TRA2B: variants seen among roughly 807,000 people sequenced by gnomAD.
TRA2B encodes the protein transformer 2 beta homolog, also known as transformer-2 protein homolog beta.
TRA2B carries 14 observed loss-of-function variants against 41.7 expected under a neutral mutation model. That is an observed-to-expected ratio of 0.34 (90% CI 0.22 to 0.53). The LOEUF is 0.53. TRA2B is among the 20% of genes least tolerant of loss of function. The pLI, the probability that TRA2B is intolerant of heterozygous loss-of-function variation, is 0.95. For missense variants in TRA2B, 167 were observed against 396.8 expected, an observed-to-expected ratio of 0.42 and a Z score of 4.92; for synonymous variants, 130 against 128.8, an observed-to-expected ratio of 1.01 and a Z score of -0.06.
intron 1 of TRA2B, chr3:185,927,399 G>A (rs767837403): frequency 5.9e-5 from 9 of 152,086 alleles, no homozygotes; most frequent in African/African-American, 1.5e-4. Flanking sequence ...ACAGAACAGC[G>A]AACTACACAC....
intron 3 of TRA2B, 117 bp downstream of exon 3, chr3:185,925,347 C>T: frequency 1.7e-6 from 2 of 1,211,866 alleles, no homozygotes; most frequent in Non-Finnish European, 2.3e-6. Flanking sequence ...CTAAAAAAGC[C>T]TCTGAAGATT....
chr3:185,937,961 G>C lies in TRA2B; in HGVS notation c.-101C>G, dbSNP rs1047300161. On this transcript the variant is annotated 5_prime_UTR_variant, in exon 1 of 9. Coordinates refer to ENST00000453386, the MANE Select transcript of TRA2B (RefSeq NM_004593.3). ...CCGCCGCAGCCCCGCACGACGCGCC[G>C]GTCGCCCAGCCGCTCAGAGCCGAAA... 1 of 1,456,276 alleles carries C rather than the reference G, an allele frequency of 6.9e-7. No individual in the cohort carries two copies. The highest frequency in any genetic ancestry group is 9.4e-7 in the Non-Finnish European group (1 of 1,058,274). 90.2% of individuals were successfully genotyped at this position (1,456,276 alleles called of 1,614,324 possible).
At chr3:185,936,750 CCTT>C in intron 1 of TRA2B, 1 of 985,190 alleles carries the variant, frequency 1.0e-6, no homozygotes, top group Non-Finnish European at 1.2e-6. Context: ...TTTCTATCAC[CCTT>C]CTAACAGATT....
rs1052456128 is a variant in TRA2B, at chr3:185,917,656, A to T, written c.*59T>A. 6.3e-7 allele frequency: 1 copy of T among 1,593,612 alleles called. No individual in the cohort carries two copies. Among genetic ancestry groups the T allele is most frequent in the African/African-American group, 1.3e-5 (1 of 74,198 alleles). On this transcript the variant is annotated 3_prime_UTR_variant, in exon 9 of 9. Transcript: ENST00000453386. ...CACTTTTTAAACAAGAGACAATAAA[A>T]AATATTGCCCACAAACAATATCCCA...
intron 1 of TRA2B, chr3:185,936,285 T>C (rs1744352203): frequency 1.0e-6 from 1 of 985,330 alleles, no homozygotes; most frequent in African/African-American, 1.7e-5. Context: ...CAACTGCCAA[T>C]GATCAGAAGT....
intron 7 of TRA2B, among the ~76,000 whole-genome samples, chr3:185,918,791 T>G (rs1743603103): frequency 6.6e-6 from 1 of 152,058 alleles, no homozygotes; most frequent in Non-Finnish European, 1.5e-5. Context: ...GGAGGATCAC[T>G]TGAGGCCAGG....
chr3:185,932,561 CAAAG>C (rs1744190310), intron 1 of TRA2B, among the ~76,000 whole-genome samples: 1 of 152,160 alleles, frequency 6.6e-6, no homozygotes, highest in Non-Finnish European at 1.5e-5. Flanking sequence ...CTGGTATTTT[CAAAG>C]AGTTTTGTTG....
intron 3 of TRA2B, chr3:185,924,218 G>A (rs1743851292): frequency 2.8e-6 from 1 of 356,580 alleles, no homozygotes; most frequent in Non-Finnish European, 5.0e-6. Context: ...AGGTAAACAA[G>A]CACTCGTGCT....
At chr3:185,937,691 TCCCTTGCCTG>T in intron 1 of TRA2B, 124 bp downstream of exon 1, 1 of 1,282,628 alleles carries the variant, frequency 7.8e-7, no homozygotes, top group Non-Finnish European at 1.1e-6. Context: ...AAATGCTGTC[TCCCTTGCCTG>T]CCCTCCCGGC....
chr3:185,914,602 CATA>C lies in TRA2B; in HGVS notation c.*3110_*3112del, dbSNP rs920184798. Reference sequence around the variant, plus strand: ...TTTACATTATATATTAAAGATTACACATAATAATCCTTTACACTATATACAATA... The same window carrying C: ...TTTACATTATATATTAAAGATTACACATAATCCTTTACACTATATACAATA... On this transcript the variant is annotated 3_prime_UTR_variant, in exon 9 of 9. Coordinates refer to ENST00000453386, the MANE Select transcript of TRA2B (RefSeq NM_004593.3). Among the ~76,000 whole-genome samples the C allele has an allele frequency of 1.4e-4, 21 of 152,114 alleles. No homozygotes were observed. The highest frequency in any genetic ancestry group is 1.1e-3 in the Admixed American group (17 of 15,278).
rs1243350313 is a variant in TRA2B at position 185,925,677 on chromosome 3, C to G, written c.171-51G>C. 1.9e-6 allele frequency: 3 copies of G among 1,546,796 alleles called. No individual in the cohort carries two copies. The South Asian group carries it at 3.8e-5, about 19-fold the overall frequency. Reference sequence around the variant, plus strand: ...TATGACTGAAAACAAATATTGTCTTCTTTATTACTCTGTTCTAAAGTTAAA... The same window carrying G: ...TATGACTGAAAACAAATATTGTCTTGTTTATTACTCTGTTCTAAAGTTAAA... On this transcript the variant is annotated intron_variant, in intron 2 of 8. Transcript: ENST00000453386.
At chr3:185,935,966 A>T in intron 1 of TRA2B, 13 of 985,436 alleles carry the variant, frequency 1.3e-5, no homozygotes, top group Non-Finnish European at 1.3e-5. Flanking sequence ...CGAAAAACAC[A>T]GTGTACTTTT....
chr3:185,917,751 T>C, intron 8 of TRA2B, 26 bp from the exon 9 acceptor site: 1 of 1,609,970 alleles, frequency 6.2e-7, no homozygotes, highest in East Asian at 2.2e-5. Context: ...TGAACATGCT[T>C]TAATATTAAG....
chr3:185,931,979 G>C, intron 1 of TRA2B: 2 of 634,642 alleles, frequency 3.2e-6, no homozygotes, highest in East Asian at 3.5e-5. Flanking sequence ...AAAGAAACTA[G>C]AATATGCAGC....
intron 1 of TRA2B, among the ~76,000 whole-genome samples, chr3:185,929,944 T>A (rs1331661054): frequency 1.3e-5 from 2 of 152,104 alleles, no homozygotes; most frequent in East Asian, 3.9e-4. Flanking sequence ...ATCAGACCTC[T>A]GATTAAGGCA....
intron 2 of TRA2B, 41 bp from the exon 3 acceptor site, chr3:185,925,667 A>G: frequency 1.9e-6 from 3 of 1,573,894 alleles, no homozygotes; most frequent in Non-Finnish European, 8.6e-7. Flanking sequence ...CTGAAAACAA[A>G]TATTGTCTTC....
At chr3:185,935,171 A>T (rs1007958523) in intron 1 of TRA2B, 1 of 985,296 alleles carries the variant, frequency 1.0e-6, no homozygotes, top group Admixed American at 6.1e-5. Flanking sequence ...TCTTTTTACA[A>T]AGAAATGGTG....
intron 7 of TRA2B, 137 bp downstream of exon 7, chr3:185,919,300 C>A (rs866607645): frequency 5.0e-6 from 3 of 599,646 alleles, no homozygotes; most frequent in African/African-American, 1.9e-5. Flanking sequence ...ATTTAGTTTC[C>A]GTTAGAATAT....
At chr3:185,936,115 C>CTT in intron 1 of TRA2B, 1 of 985,410 alleles carries the variant, frequency 1.0e-6, no homozygotes, top group Non-Finnish European at 1.2e-6. Context: ...CTCAAGCATT[C>CTT]TTCACGTGTA....
Sources: gnomAD v4.1 joint callset for allele counts (sites outside exome capture counted in the v4.1 genomes callset) on GRCh38, gnomAD v4.1.1 for gene constraint, MANE v1.5 for transcripts, NCBI Gene and HGNC (gene_info 2026-07-23, HGNC 2026-07-21) for gene names.